CNR2: variants seen among roughly 807,000 people sequenced by gnomAD.
CNR2 encodes cannabinoid receptor 2, also known as cannabinoid receptor 2 (macrophage).
For missense variants in CNR2, 379 were observed against 439.9 expected (o/e 0.86, Z 1.24); for synonymous variants, 172 against 182.2 (o/e 0.94, Z 0.45).
chr1:23,875,565 T>A lies in CNR2; in HGVS notation c.53A>T (p.Asp18Val), dbSNP rs757147880. Residue 18 changes from aspartate (D) to valine (V), a missense_variant, in exon 2 of 2, where the codon GAT becomes GTT. Physicochemically the swap from Asp to Val is radical, Grantham distance 152 (BLOSUM62 -3). Transcript: ENST00000374472. Reference sequence around the variant, plus strand: ...CATGTAATCCTTCATAGGGTTGGAATCCAAGCCATCCTTGGAGCCATTGGC... The same window carrying A: ...CATGTAATCCTTCATAGGGTTGGAAACCAAGCCATCCTTGGAGCCATTGGC... ...EIANGSKDGL[D>V]SNPMKDYMIL... is the part of the protein sequence containing the mutation. 6.2e-7 allele frequency: 1 copy of A among 1,613,084 alleles called. No homozygotes were observed. Among genetic ancestry groups the A allele is most frequent in the Non-Finnish European group, 8.5e-7 (1 of 1,179,324 alleles).
At chr1:23,899,373 G>A (rs1640342565) in intron 1 of CNR2, among the ~76,000 whole-genome samples, 2 of 68,294 alleles carry the variant, frequency 2.9e-5, no homozygotes, top group Admixed American at 3.8e-4. Flanking sequence ...TAACCTCCAA[G>A]GTGTCCTTGT....
rs1273916625 is a variant in CNR2, at chr1:23,902,699, G to A, written c.-46+10547C>T. 15 of 1,592,244 alleles carry A rather than the reference G, an allele frequency of 9.4e-6. No homozygotes were observed. In the African/African-American group the frequency reaches 1.5e-4, roughly 16 times the overall value. On this transcript the variant is annotated intron_variant, in intron 1 of 1. Coordinates refer to ENST00000374472, the MANE Select transcript of CNR2 (RefSeq NM_001841.3). ...CAAAGTGCACGTCGGCCACGAGCTC[G>A]TTGTTGAACATGAGCGCGTTCCTCT...
Position 23,911,109 on chromosome 1 carries a change from C to T in CNR2, c.-46+2137G>A, listed in dbSNP as rs563588475. On this transcript the variant is annotated intron_variant, in intron 1 of 1. Transcript: ENST00000374472. ...AGCTATTTGAAGACAACCCTTCTTC[C>T]TGTCCTTTCCTGAGAACCTGAGCGC... Among the ~76,000 whole-genome samples the T allele has an allele frequency of 9.9e-5, 14 of 140,752 alleles. No individual in the cohort carries two copies. In the South Asian group the frequency reaches 3.1e-3, roughly 31 times the overall value. The allele number at this position is 140,752 out of a possible 152,430, so 92.3% of individuals were successfully genotyped here.
intron 1 of CNR2, among the ~76,000 whole-genome samples, chr1:23,902,901 A>G (rs1455870571): frequency 6.6e-6 from 1 of 151,014 alleles, no homozygotes; most frequent in Non-Finnish European, 1.5e-5. Flanking sequence ...GCGGGGACGT[A>G]GAGCTCCGCC....
chr1:23,911,136 G>A (rs1449195872), intron 1 of CNR2, among the ~76,000 whole-genome samples: 12 of 130,588 alleles, frequency 9.2e-5, no homozygotes, highest in Admixed American at 2.6e-4. Context: ...CCTGAGCGCA[G>A]TGAGAAGGTT....
At chr1:23,879,364 T>C (rs1639940495) in intron 1 of CNR2, among the ~76,000 whole-genome samples, 1 of 151,998 alleles carries the variant, frequency 6.6e-6, no homozygotes, top group Admixed American at 6.6e-5. Flanking sequence ...CCTGAAATCC[T>C]GGCACTTTGG....
rs1315629477 is a variant in CNR2, at chr1:23,870,795, G to T, written c.*3740C>A. ...AACCAAACAACAAGGGCAGTTCTCA[G>T]TGATATCTAGGTCCCTTTTGCACCC... On this transcript the variant is annotated 3_prime_UTR_variant, in exon 2 of 2. Coordinates refer to ENST00000374472, the MANE Select transcript of CNR2 (RefSeq NM_001841.3). 6.6e-6 allele frequency: 1 copy of T among 152,194 alleles called. No homozygotes were observed. Among genetic ancestry groups the T allele is most frequent in the African/African-American group, 2.4e-5 (1 of 41,420 alleles). The allele number at this position is 152,194 out of a possible 1,614,324, so 9.4% of individuals were successfully genotyped here.
intron 1 of CNR2, among the ~76,000 whole-genome samples, chr1:23,883,213 G>A (rs1044330059): frequency 2.6e-5 from 4 of 152,212 alleles, no homozygotes; most frequent in East Asian, 3.8e-4. Context: ...TGACAATACT[G>A]AGTGCTGGAG....
In CNR2 at chr1:23,908,825, A is replaced by T. The variant is rs998568285; in HGVS notation, c.-46+4421T>A. 2.0e-5 allele frequency among the ~76,000 whole-genome samples: 3 copies of T among 152,102 alleles called. No homozygotes were observed. In the South Asian group the frequency reaches 6.2e-4, roughly 32 times the overall value. ...GAGACACAGAGGACGAACTCAATGA[A>T]TTTGGGCTGAGGCAACACTGTGAAC... On this transcript the variant is annotated intron_variant, in intron 1 of 1. Transcript: ENST00000374472.
intron 1 of CNR2, chr1:23,901,501 C>T: frequency 6.3e-7 from 1 of 1,587,332 alleles, no homozygotes; most frequent in Non-Finnish European, 8.6e-7. Context: ...CAGGGATCTG[C>T]CCACCCTGGA....
At chr1:23,895,696 C>T (rs147087347) in intron 1 of CNR2, among the ~76,000 whole-genome samples, 117 of 152,120 alleles carry the variant, frequency 7.7e-4, no homozygotes, top group African/African-American at 2.4e-3. Context: ...TTAGTGGAGA[C>T]GGGGTTTCAT....
rs1639830580 is a variant in CNR2, at chr1:23,874,571, C to T, written c.1047G>A (p.Trp349Ter). 4 of 1,613,942 alleles carry T rather than the reference C, an allele frequency of 2.5e-6. No homozygotes were observed. The East Asian group carries it at 6.7e-5, about 27-fold the overall frequency. ...ETEADGKITP[W>*]PDSRDLDLSD... ...AGAGGTCTAGATCTCTGGAATCTGG[C>T]CACGGAGTGATTTTCCCATCAGCCT... The change falls in exon 2 of 2, where the codon TGG (tryptophan) becomes TGA (stop). Residue 349 changes from tryptophan (W) to a stop codon, truncating the protein, a stop_gained. Transcript: ENST00000374472. LOFTEE classifies it low-confidence loss of function (END_TRUNC).
At position 23,895,935 on chromosome 1, in the gene CNR2, C is replaced by G. The variant is rs181710312; in HGVS notation, c.-46+17311G>C. 4.5e-3 allele frequency among the ~76,000 whole-genome samples: 684 copies of G among 152,240 alleles called. 6 individuals carry two copies. Among genetic ancestry groups the G allele is most frequent in the African/African-American group, 0.014 (579 of 41,536 alleles). On this transcript the variant is annotated intron_variant, in intron 1 of 1. Transcript: ENST00000374472. ...CTTTATTTCCAGGGGCAAATCCCAT[C>G]TATTTTCTCTCTCTTTTTGACTTTT... is the stretch of plus-strand genomic sequence containing the variant.
chr1:23,909,067 C>T (rs533114412), intron 1 of CNR2, among the ~76,000 whole-genome samples: 18 of 152,152 alleles, frequency 1.2e-4, no homozygotes, highest in Non-Finnish European at 2.2e-4. Context: ...CACCGAACCA[C>T]GAAGTCCCCT....
At chr1:23,886,640 T>C (rs1218844625) in intron 1 of CNR2, among the ~76,000 whole-genome samples, 1 of 152,178 alleles carries the variant, frequency 6.6e-6, no homozygotes, top group African/African-American at 2.4e-5. Flanking sequence ...CATATCACTA[T>C]GTCCTTTCTT....
Position 23,886,188 on chromosome 1 carries a change from C to CA in CNR2, c.-45-10527dup, listed in dbSNP as rs71026697. The stretch of plus-strand genomic sequence containing the variant: ...TGGGTGACAGGGCGAGACTCTATTT[C>CA]AAAAAAAAAAAAAAAAAGAATAATA... On this transcript the variant is annotated intron_variant, in intron 1 of 1. Coordinates refer to ENST00000374472, the MANE Select transcript of CNR2 (RefSeq NM_001841.3). Among the ~76,000 whole-genome samples the CA allele has an allele frequency of 6.0e-3, 782 of 130,398 alleles. 21 individuals carry two copies. Among genetic ancestry groups the CA allele is most frequent in the Non-Finnish European group, 7.3e-3 (461 of 63,528 alleles). The allele number at this position is 130,398 out of a possible 152,430, so 85.5% of individuals were successfully genotyped here. A position where few individuals can be genotyped will look rare whatever the true frequency, so the allele number is the denominator to read the frequency against.
chr1:23,901,725 G>C, intron 1 of CNR2: 2 of 1,417,846 alleles, frequency 1.4e-6, no homozygotes, highest in Non-Finnish European at 2.0e-6. Context: ...AATTTGGTCA[G>C]ATTCTGAGCC....
chr1:23,874,415 G>C lies in CNR2; in HGVS notation c.*120C>G. On this transcript the variant is annotated 3_prime_UTR_variant, in exon 2 of 2. Transcript: ENST00000374472. ...GTCCCAACACTCATCAGCAAAAAGG[G>C]GTCCGTGTCTAGGTGTCTGGGACTG... 8.8e-7 allele frequency: 1 copy of C among 1,135,172 alleles called. No homozygotes were observed. The highest frequency in any genetic ancestry group is 1.2e-6 in the Non-Finnish European group (1 of 801,224). The allele number at this position is 1,135,172 out of a possible 1,614,324, so 70.3% of individuals were successfully genotyped here.
intron 1 of CNR2, among the ~76,000 whole-genome samples, chr1:23,887,911 A>G (rs1640118996): frequency 6.6e-6 from 1 of 152,120 alleles, no homozygotes; most frequent in Admixed American, 6.6e-5. Flanking sequence ...TCTACCCTCC[A>G]CATATTTTGT....
Sources: allele counts gnomAD v4.1 joint callset (sites outside exome capture counted in the v4.1 genomes callset), GRCh38; gene constraint gnomAD v4.1.1; transcripts MANE v1.5; gene names NCBI Gene and HGNC (gene_info 2026-07-23, HGNC 2026-07-21).